NT5DC3: variants seen among roughly 807,000 people sequenced by gnomAD.
NT5DC3 encodes the protein 5'-nucleotidase domain containing 3.
In NT5DC3, 42 loss-of-function variants were observed where a neutral mutation model predicts 67.8. The observed-to-expected ratio is 0.62, with a 90% CI of 0.48 to 0.80. The LOEUF (loss-of-function observed/expected upper bound fraction) is 0.80, where lower values mean the gene tolerates loss of function less well. Ranked by LOEUF, NT5DC3 falls within the 30% of genes least tolerant of loss-of-function variation. The pLI, the probability that NT5DC3 is intolerant of heterozygous loss-of-function variation, is 0.00. For synonymous variants in NT5DC3, 237 were observed against 255.6 expected (o/e 0.93, Z 0.69); for missense variants, 570 against 696.4 (o/e 0.82, Z 2.04).
chr12:103,803,870 A>C lies in NT5DC3; in HGVS notation c.524+2452T>G, dbSNP rs28454456. ...ATTCATTCATTACCACCCCCCCCCC[A>C]AAAAAATGTGTTGAGGGACTCCAAC... On this transcript the variant is annotated intron_variant, in intron 4 of 13. Transcript: ENST00000392876. Among the ~76,000 whole-genome samples the C allele has an allele frequency of 4.5e-3, 241 of 54,006 alleles. 1 individual carries two copies. In the East Asian group the frequency reaches 0.063, roughly 14 times the overall value. 35.4% of individuals were successfully genotyped at this position (54,006 alleles called of 152,430 possible).
At chr12:103,762,486 G>A in the NT5DC3 span, 7 of 1,596,446 alleles carry the variant, frequency 4.4e-6, no homozygotes, top group South Asian at 7.9e-5. Flanking sequence ...GTCGGTGGCT[G>A]CGCCAGAGTC....
chr12:103,801,136 T>A (rs1018435527), intron 4 of NT5DC3, among the ~76,000 whole-genome samples: 1 of 152,050 alleles, frequency 6.6e-6, no homozygotes, highest in African/African-American at 2.4e-5. Flanking sequence ...CCAAACATCA[T>A]AAAATTCACC....
chr12:103,818,011 A>G (rs921657256), intron 1 of NT5DC3, among the ~76,000 whole-genome samples: 1 of 152,234 alleles, frequency 6.6e-6, no homozygotes, highest in Non-Finnish European at 1.5e-5. Flanking sequence ...TATTCTGAGC[A>G]TTTCACAAGG....
chr12:103,763,746 C>T, the NT5DC3 span: 10 of 830,818 alleles, frequency 1.2e-5, no homozygotes, highest in Non-Finnish European at 1.5e-5. Context: ...GCCTAAAAGC[C>T]AGTTTTGCAA....
At chr12:103,791,648 G>A (rs907835975) in intron 9 of NT5DC3, among the ~76,000 whole-genome samples, 2 of 152,258 alleles carry the variant, frequency 1.3e-5, no homozygotes, top group South Asian at 4.2e-4. Context: ...CCCAAACCCT[G>A]GGCCGCGGAC....
intron 7 of NT5DC3, 108 bp from the exon 8 acceptor site, chr12:103,793,620 G>C: frequency 1.3e-6 from 1 of 745,624 alleles, no homozygotes; most frequent in Non-Finnish European, 2.3e-6. Flanking sequence ...GCACAGGAAA[G>C]GGAATAAAGG....
the NT5DC3 span, chr12:103,761,497 CTCCTCCCTCT>C: frequency 3.3e-6 from 4 of 1,195,950 alleles, no homozygotes; most frequent in Admixed American, 7.6e-5. Flanking sequence ...AAGCCCTGTC[CTCCTCCCTCT>C]TCCTCCAGAG....
chr12:103,767,338 T>C (rs1035914661), downstream of NT5DC3, among the ~76,000 whole-genome samples: 9 of 152,204 alleles, frequency 5.9e-5, no homozygotes, highest in African/African-American at 2.2e-4. Flanking sequence ...TATGATTCCA[T>C]TTATATGAAA....
At chr12:103,771,356 T>C (rs1885176499), downstream of NT5DC3, 1 of 152,226 alleles carries the variant, frequency 6.6e-6, no homozygotes, top group South Asian at 2.1e-4. Context: ...GTTAAAATTA[T>C]GTCACAAAAA....
downstream of NT5DC3, among the ~76,000 whole-genome samples, chr12:103,769,969 G>T (rs562212115): frequency 2.0e-4 from 30 of 152,368 alleles, no homozygotes; most frequent in African/African-American, 7.0e-4. Context: ...GGGCAGGCAG[G>T]CTCAGCCTCT....
chr12:103,751,903 C>T, the NT5DC3 span, among the ~76,000 whole-genome samples: 2 of 152,146 alleles, frequency 1.3e-5, no homozygotes, highest in Non-Finnish European at 2.9e-5. Flanking sequence ...GTGTGGTTAC[C>T]ATTAGCTTGG....
At chr12:103,829,867 G>T (rs1887849570) in intron 1 of NT5DC3, among the ~76,000 whole-genome samples, 1 of 147,748 alleles carries the variant, frequency 6.8e-6, no homozygotes, top group Admixed American at 6.8e-5. Flanking sequence ...TGATGGTAAA[G>T]CTCTTAGCTT....
At chr12:103,802,804 T>G (rs1886640047) in intron 4 of NT5DC3, among the ~76,000 whole-genome samples, 1 of 152,136 alleles carries the variant, frequency 6.6e-6, no homozygotes, top group African/African-American at 2.4e-5. Context: ...ATCTAGTAAG[T>G]CAAGGAGCTG....
intron 1 of NT5DC3, among the ~76,000 whole-genome samples, chr12:103,831,082 T>C (rs1887904573): frequency 6.6e-6 from 1 of 152,188 alleles, no homozygotes; most frequent in Non-Finnish European, 1.5e-5. Context: ...GTGATATGGT[T>C]TGGCTCTGTG....
chr12:103,834,470 G>A (rs570641556), intron 1 of NT5DC3, among the ~76,000 whole-genome samples: 122 of 152,254 alleles, frequency 8.0e-4, no homozygotes, highest in Middle Eastern at 3.4e-3. Context: ...GAACAGACAC[G>A]ACAACTAAAT....
the NT5DC3 span, among the ~76,000 whole-genome samples, chr12:103,754,348 A>C: frequency 6.6e-6 from 1 of 152,106 alleles, no homozygotes; most frequent in Non-Finnish European, 1.5e-5. Context: ...AAAGATCTGG[A>C]ATAGTAGACC....
At chr12:103,754,666 T>C in the NT5DC3 span, among the ~76,000 whole-genome samples, 1 of 152,070 alleles carries the variant, frequency 6.6e-6, no homozygotes, top group Non-Finnish European at 1.5e-5. Context: ...ATTAGAGTTC[T>C]AGGCCAGGCG....
At chr12:103,798,561 T>C in intron 5 of NT5DC3, 26 bp downstream of exon 5, 2 of 1,534,816 alleles carry the variant, frequency 1.3e-6, no homozygotes, top group Non-Finnish European at 1.8e-6. Context: ...AAGGCTGCTT[T>C]AAATGAATAA....
chr12:103,841,180 G>A lies in NT5DC3; in HGVS notation c.-24C>T. ...ATGCCTGCTGCCTGCTGCCGCCACC[G>A]CCGCCGCGCCGCTCTGCGACTGCTG... is the stretch of plus-strand genomic sequence containing the variant. On this transcript the variant is annotated 5_prime_UTR_variant, in exon 1 of 14. Transcript: ENST00000392876. 1 of 621,962 alleles carries A rather than the reference G, an allele frequency of 1.6e-6. No individual in the cohort carries two copies. Among genetic ancestry groups the A allele is most frequent in the Non-Finnish European group, 2.7e-6 (1 of 377,096 alleles). The allele number at this position is 621,962 out of a possible 1,614,324, so 38.5% of individuals were successfully genotyped here.
Sources: gnomAD v4.1 joint callset for allele counts (sites outside exome capture counted in the v4.1 genomes callset) on GRCh38, gnomAD v4.1.1 for gene constraint, MANE v1.5 for transcripts, NCBI Gene and HGNC (gene_info 2026-07-23, HGNC 2026-07-21) for gene names.